The following FGGY variants were observed in gnomAD, a reference collection of about 807,000 sequenced individuals.
The protein encoded by FGGY is FGGY carbohydrate kinase domain-containing protein.
In FGGY, 72 loss-of-function variants were observed where a neutral mutation model predicts 71.3. The observed-to-expected ratio is 1.01, with a 90% confidence interval of 0.84 to 1.23. The LOEUF (loss-of-function observed/expected upper bound fraction) is 1.23, where lower values mean the gene tolerates loss of function less well. Among genes scored for constraint, FGGY ranks in the 50% most tolerant of loss-of-function variants. The probability of loss-of-function intolerance (pLI) is 0.00; values close to 1 mark genes in which losing one functional copy is unlikely to be tolerated. For synonymous variants in FGGY, 251 were observed against 250.3 expected (o/e 1.00, Z -0.02); for missense variants, 668 against 682.3 (o/e 0.98, Z 0.23).
intron 7 of FGGY, among the ~76,000 whole-genome samples, chr1:59,537,659 A>G (rs2095354382): frequency 6.6e-6 from 1 of 152,088 alleles, no homozygotes; most frequent in Non-Finnish European, 1.5e-5. Context: ...ATATAGATCA[A>G]TGGAACAGAA....
intron 14 of FGGY, among the ~76,000 whole-genome samples, chr1:59,739,340 T>C (rs543881628): frequency 7.2e-5 from 11 of 152,332 alleles, no homozygotes; most frequent in Admixed American, 4.6e-4. Flanking sequence ...GCAAATAAAC[T>C]AGCAAACATT....
At chr1:59,425,325 T>C (rs1235016019) in intron 5 of FGGY, among the ~76,000 whole-genome samples, 1 of 152,244 alleles carries the variant, frequency 6.6e-6, no homozygotes, top group East Asian at 1.9e-4. Context: ...AGTATTTTTA[T>C]GGCCTTTTAA....
intron 8 of FGGY, among the ~76,000 whole-genome samples, chr1:59,584,771 C>G (rs1423183039): frequency 5.3e-5 from 8 of 149,822 alleles, no homozygotes; most frequent in Admixed American, 2.6e-4. Context: ...CTAGAAAACC[C>G]CATCATCTCA....
intron 2 of FGGY, among the ~76,000 whole-genome samples, chr1:59,328,367 C>G (rs942624901): frequency 6.6e-6 from 1 of 152,218 alleles, no homozygotes; most frequent in Non-Finnish European, 1.5e-5. Context: ...CCTGAACCAA[C>G]TTCTGGTAGC....
intron 1 of FGGY, chr1:59,310,315 C>T (rs2044086363): frequency 6.6e-6 from 1 of 152,142 alleles, no homozygotes; most frequent in African/African-American, 2.4e-5. Context: ...ATTATGTCAG[C>T]AAATCAACAG....
chr1:59,529,779 T>C (rs2095090672), intron 7 of FGGY, among the ~76,000 whole-genome samples: 2 of 152,202 alleles, frequency 1.3e-5, no homozygotes, highest in East Asian at 1.9e-4. Flanking sequence ...TTATACACAA[T>C]AGTTGGGGGA....
intron 6 of FGGY, among the ~76,000 whole-genome samples, chr1:59,489,690 T>C (rs946513698): frequency 6.6e-6 from 1 of 152,192 alleles, no homozygotes; most frequent in African/African-American, 2.4e-5. Flanking sequence ...AGTAAAGATA[T>C]GTCTTTGGTA....
intron 5 of FGGY, among the ~76,000 whole-genome samples, chr1:59,421,070 A>G (rs2065322499): frequency 6.6e-6 from 1 of 152,194 alleles, no homozygotes; most frequent in South Asian, 2.1e-4. Flanking sequence ...CTTTCTGATG[A>G]AGAATACACT....
chr1:59,589,905 A>G (rs2096394944), intron 8 of FGGY, among the ~76,000 whole-genome samples: 1 of 152,154 alleles, frequency 6.6e-6, no homozygotes, highest in Non-Finnish European at 1.5e-5. Flanking sequence ...AACACATTCA[A>G]AAGCTAGCAG....
intron 1 of FGGY, among the ~76,000 whole-genome samples, chr1:59,299,996 CAT>C (rs764487255): frequency 3.4e-4 from 52 of 152,212 alleles, no homozygotes; most frequent in Non-Finnish European, 6.2e-4. Flanking sequence ...AACATACTGA[CAT>C]ATTGATTCTT....
chr1:59,505,310 C>G (rs896240420), intron 6 of FGGY, among the ~76,000 whole-genome samples: 1 of 152,184 alleles, frequency 6.6e-6, no homozygotes, highest in Non-Finnish European at 1.5e-5. Flanking sequence ...AGCATTAGAA[C>G]AGTGCTTGGC....
At chr1:59,653,725 C>G (rs1017428763) in intron 11 of FGGY, among the ~76,000 whole-genome samples, 13 of 152,254 alleles carry the variant, frequency 8.5e-5, no homozygotes, top group South Asian at 4.1e-4. Context: ...GCGTTGCTCA[C>G]GCTGGGAGCT....
Position 59,374,627 on chromosome 1 carries a change from C to T in FGGY, c.466-4122C>T, listed in dbSNP as rs1206979814. Among the ~76,000 whole-genome samples the T allele has an allele frequency of 2.7e-4, 41 of 152,108 alleles. 1 individual carries two copies. The East Asian group carries it at 7.0e-3, about 26-fold the overall frequency. ...CACGTATGTTTATTGCGGCACTGTT[C>T]ACAATAGGAAAGACTTGGAACCAAC... On this transcript the variant is annotated intron_variant, in intron 4 of 15. Transcript: ENST00000303721.
At chr1:59,585,177 C>T (rs531709184) in intron 8 of FGGY, among the ~76,000 whole-genome samples, 2 of 152,048 alleles carry the variant, frequency 1.3e-5, no homozygotes, top group Admixed American at 6.5e-5. Context: ...TACTTTAAAG[C>T]TCATATGGAA....
intron 2 of FGGY, among the ~76,000 whole-genome samples, chr1:59,327,854 G>A (rs371532328): frequency 2.1e-4 from 32 of 152,226 alleles, no homozygotes; most frequent in African/African-American, 3.9e-4. Context: ...TTGGTGACTC[G>A]GTGCATTGTC....
At chr1:59,421,807 G>A (rs1226961697) in intron 5 of FGGY, among the ~76,000 whole-genome samples, 1 of 145,738 alleles carries the variant, frequency 6.9e-6, no homozygotes, top group Non-Finnish European at 1.5e-5. Flanking sequence ...GGTCTCATTT[G>A]ACTAGACTAC....
At chr1:59,586,712 G>GA (rs2096295741) in intron 8 of FGGY, among the ~76,000 whole-genome samples, 1 of 151,974 alleles carries the variant, frequency 6.6e-6, no homozygotes, top group African/African-American at 2.4e-5. Flanking sequence ...TCAAAGCCTG[G>GA]AAAAAAAGTG....
intron 5 of FGGY, among the ~76,000 whole-genome samples, chr1:59,383,600 A>G (rs2059735786): frequency 6.6e-6 from 1 of 152,006 alleles, no homozygotes; most frequent in Non-Finnish European, 1.5e-5. Flanking sequence ...TACTAACATC[A>G]ACAAACCTTA....
intron 11 of FGGY, among the ~76,000 whole-genome samples, chr1:59,643,792 C>T (rs2097060848): frequency 6.6e-6 from 1 of 152,164 alleles, no homozygotes; most frequent in African/African-American, 2.4e-5. Flanking sequence ...AAAATATCAA[C>T]AGTTCTTAGG....
Sources: allele counts gnomAD v4.1 joint callset (sites outside exome capture counted in the v4.1 genomes callset), GRCh38; gene constraint gnomAD v4.1.1; transcripts MANE v1.5; gene names NCBI Gene and HGNC (gene_info 2026-07-23, HGNC 2026-07-21).